Variants in ELMO1 observed in about 807,000 individuals in gnomAD.
The protein encoded by ELMO1 is engulfment and cell motility 1, also known as engulfment and cell motility protein 1.
A neutral mutation model predicts 98.9 loss-of-function variants in ELMO1; 26 were observed. The ratio of observed to expected loss-of-function variants is 0.26; its 90% CI spans 0.19 to 0.36. ELMO1 has a LOEUF of 0.36. Among genes scored for constraint, ELMO1 ranks in the 10% least tolerant of loss-of-function variants. ELMO1 has a pLI of 1.00. For missense variants in ELMO1, 627 were observed against 935.2 expected, an observed-to-expected ratio of 0.67 and a Z score of 4.30; for synonymous variants, 346 against 346.0, an observed-to-expected ratio of 1.00 and a Z score of 0.00.
chr7:37,203,178 T>A (rs1395933780), intron 13 of ELMO1, among the ~76,000 whole-genome samples: 1 of 152,172 alleles, frequency 6.6e-6, no homozygotes, highest in Non-Finnish European at 1.5e-5. Context: ...ACCTGGACCC[T>A]TGCCTGTCCT....
At chr7:36,978,682 C>T (rs1006799985) in intron 16 of ELMO1, among the ~76,000 whole-genome samples, 2 of 152,176 alleles carry the variant, frequency 1.3e-5, no homozygotes, top group Admixed American at 6.5e-5. Flanking sequence ...AGGTCACAGC[C>T]TTCTTGAATG....
chr7:36,991,647 G>T (rs1256558390), intron 16 of ELMO1, among the ~76,000 whole-genome samples: 1 of 152,172 alleles, frequency 6.6e-6, no homozygotes, highest in Non-Finnish European at 1.5e-5. Flanking sequence ...GTAGGCACCT[G>T]CATCTCTTTT....
intron 16 of ELMO1, among the ~76,000 whole-genome samples, chr7:36,933,056 G>A (rs1562835006): frequency 6.6e-6 from 1 of 152,112 alleles, no homozygotes; most frequent in Non-Finnish European, 1.5e-5. Context: ...TCACAATCCC[G>A]CACTGCCATG....
chr7:37,105,608 TC>T (rs1208068262), intron 14 of ELMO1, among the ~76,000 whole-genome samples: 1 of 152,222 alleles, frequency 6.6e-6, no homozygotes, highest in Admixed American at 6.5e-5. Flanking sequence ...TCTAACAAGT[TC>T]CCAGTTAACA....
At chr7:37,433,842 G>A (rs972727509) in intron 1 of ELMO1, among the ~76,000 whole-genome samples, 1 of 151,988 alleles carries the variant, frequency 6.6e-6, no homozygotes, top group African/African-American at 2.4e-5. Context: ...TGCTGCAGGG[G>A]GCAAAATAAG....
Position 36,978,911 on chromosome 7 carries a change from C to T in ELMO1, c.1437+34388G>A, listed in dbSNP as rs187273933. Among the ~76,000 whole-genome samples, 333 of 152,278 alleles carry T rather than the reference C, an allele frequency of 2.2e-3. 2 individuals are homozygous for T. Among genetic ancestry groups the T allele is most frequent in the East Asian group, 4.2e-3 (22 of 5,182 alleles). On this transcript the variant is annotated intron_variant, in intron 16 of 21. Transcript: ENST00000310758. ...CCCTTATTTTACAATCCACAGAGTA[C>T]ATGGGATATATTAATAAATGTGCTC...
chr7:36,929,847 G>A (rs150318398), intron 16 of ELMO1, among the ~76,000 whole-genome samples: 5 of 152,278 alleles, frequency 3.3e-5, no homozygotes, highest in African/African-American at 1.2e-4. Context: ...GAGCTTGTCC[G>A]GTCCATGAGT....
chr7:37,096,683 G>A lies in ELMO1; in HGVS notation c.1236C>T (p.Pro412=). 6.2e-7 allele frequency: 1 copy of A among 1,614,120 alleles called. No individual in the cohort carries two copies. The highest frequency in any genetic ancestry group is 8.5e-7 in the Non-Finnish European group (1 of 1,180,006). The change falls in exon 15 of 22, where the codon CCC becomes CCT. Residue 412 remains proline, a synonymous_variant. Transcript: ENST00000310758. The stretch of plus-strand genomic sequence containing the variant: ...TCAGCTCTATACTACTGCGGCCAAA[G>A]GGACATTCATGCTTGTCTTCTCGAC... ...NSSREDKHEC[P]FGRSSIELTK...
intron 1 of ELMO1, among the ~76,000 whole-genome samples, chr7:37,395,896 G>T (rs1413730322): frequency 1.3e-5 from 2 of 152,172 alleles, no homozygotes; most frequent in Admixed American, 1.3e-4. Context: ...CTTTATTTTT[G>T]ATTAACAGTG....
chr7:36,956,148 T>C (rs1040862965), intron 16 of ELMO1, among the ~76,000 whole-genome samples: 6 of 152,218 alleles, frequency 3.9e-5, no homozygotes, highest in Non-Finnish European at 4.4e-5. Flanking sequence ...GAAGGCTACA[T>C]ATATTTCTTG....
Position 36,854,070 on chromosome 7 carries a change from G to T in ELMO1, c.*1481C>A, listed in dbSNP as rs1802025217. 6.6e-6 allele frequency among the ~76,000 whole-genome samples: 1 copy of T among 151,750 alleles called. No individual in the cohort carries two copies. The highest frequency in any genetic ancestry group is 2.4e-5 in the African/African-American group (1 of 41,226). On this transcript the variant is annotated 3_prime_UTR_variant, in exon 22 of 22. Coordinates refer to ENST00000310758, the MANE Select transcript of ELMO1 (RefSeq NM_014800.11). ...AAGAGAAAGTCATGGTCAAGAGACA[G>T]CAATGTAAAAGGAATAGATATTTTC...
intron 15 of ELMO1, among the ~76,000 whole-genome samples, chr7:37,063,704 G>C (rs755086420): frequency 1.3e-5 from 2 of 151,964 alleles, no homozygotes; most frequent in Non-Finnish European, 2.9e-5. Context: ...CCCTTCACTC[G>C]ATTCCCCTCC....
chr7:37,278,215 C>T (rs1011951440), intron 4 of ELMO1, among the ~76,000 whole-genome samples: 7 of 138,868 alleles, frequency 5.0e-5, no homozygotes, highest in Non-Finnish European at 7.5e-5. Flanking sequence ...TCCAGTTATG[C>T]GAATACTAAT....
At chr7:37,396,785 A>G (rs4720246) in intron 1 of ELMO1, among the ~76,000 whole-genome samples, 22,070 of 152,210 alleles carry the variant, frequency 0.14, 1,757 homozygotes, top group East Asian at 0.19. Flanking sequence ...CTATTTGCCT[A>G]TTTCCAAGTG....
intron 1 of ELMO1, among the ~76,000 whole-genome samples, chr7:37,431,421 A>G (rs920432380): frequency 2.0e-5 from 3 of 152,200 alleles, no homozygotes; most frequent in African/African-American, 2.4e-5. Flanking sequence ...TAGTGTTTCT[A>G]AAAGTGGGAA....
At chr7:37,034,956 C>T (rs1795097161) in intron 15 of ELMO1, among the ~76,000 whole-genome samples, 1 of 152,172 alleles carries the variant, frequency 6.6e-6, no homozygotes, top group Admixed American at 6.5e-5. Flanking sequence ...TGGAAGTGAG[C>T]AGCTTTATAG....
intron 14 of ELMO1, among the ~76,000 whole-genome samples, chr7:37,130,200 C>G (rs1248163215): frequency 1.3e-5 from 2 of 152,106 alleles, no homozygotes; most frequent in African/African-American, 4.8e-5. Flanking sequence ...CTCTTCACCC[C>G]CCACCCCACC....
chr7:37,104,833 A>C (rs1489884425), intron 14 of ELMO1, among the ~76,000 whole-genome samples: 2 of 152,168 alleles, frequency 1.3e-5, no homozygotes, highest in African/African-American at 4.8e-5. Context: ...GTATTAATAT[A>C]ATGAGTCAGA....
At chr7:36,951,381 C>G (rs1335247964) in intron 16 of ELMO1, among the ~76,000 whole-genome samples, 1 of 152,228 alleles carries the variant, frequency 6.6e-6, no homozygotes, top group African/African-American at 2.4e-5. Context: ...GGTTTCAGTT[C>G]CTCAAAAAAG....
Sources: allele counts gnomAD v4.1 joint callset (sites outside exome capture counted in the v4.1 genomes callset), GRCh38; gene constraint gnomAD v4.1.1; transcripts MANE v1.5; gene names NCBI Gene and HGNC (gene_info 2026-07-23, HGNC 2026-07-21).